Variants in GRIK2 observed in about 807,000 individuals in gnomAD.
GRIK2 encodes the protein glutamate ionotropic receptor kainate type subunit 2.
In GRIK2, 32 loss-of-function variants were observed where a neutral mutation model predicts 100.3. That is an observed-to-expected ratio of 0.32 (90% CI 0.24 to 0.43). The LOEUF is 0.43. Among genes scored for constraint, GRIK2 ranks in the 20% least tolerant of loss-of-function variants. The pLI, the probability that GRIK2 is intolerant of heterozygous loss-of-function variation, is 1.00. For synonymous variants in GRIK2, 417 were observed against 389.4 expected, an observed-to-expected ratio of 1.07 and a Z score of -0.83; for missense variants, 843 against 1,114.9, an observed-to-expected ratio of 0.76 and a Z score of 3.47.
intron 12 of GRIK2, among the ~76,000 whole-genome samples, chr6:101,913,671 G>T (rs2791777): frequency 6.6e-6 from 1 of 151,120 alleles, no homozygotes; most frequent in Non-Finnish European, 1.5e-5. Context: ...TCCAATAAGT[G>T]AATTATGCTT....
intron 2 of GRIK2, among the ~76,000 whole-genome samples, chr6:101,462,534 AT>A (rs1208324140): frequency 2.0e-5 from 3 of 152,092 alleles, no homozygotes; most frequent in East Asian, 3.8e-4. Flanking sequence ...ATAAAATGTT[AT>A]TTTTCTTAAA....
At chr6:101,941,174 A>C (rs1466370773) in intron 14 of GRIK2, among the ~76,000 whole-genome samples, 1 of 152,102 alleles carries the variant, frequency 6.6e-6, no homozygotes, top group African/African-American at 2.4e-5. Flanking sequence ...ATTGAAATGC[A>C]TACTATTATT....
At chr6:101,711,713 G>C (rs1328047810) in intron 7 of GRIK2, among the ~76,000 whole-genome samples, 1 of 151,766 alleles carries the variant, frequency 6.6e-6, no homozygotes, top group African/African-American at 2.4e-5. Flanking sequence ...AGTGTGTTAT[G>C]ACAGATAAAT....
intron 11 of GRIK2, among the ~76,000 whole-genome samples, chr6:101,876,484 A>AACACAC (rs34929195): frequency 7.4e-5 from 11 of 148,802 alleles, no homozygotes; most frequent in Non-Finnish European, 1.5e-4. Context: ...AACAAAAACA[A>AACACAC]ACACACACAC....
chr6:101,793,436 T>C (rs1023257838), intron 7 of GRIK2, among the ~76,000 whole-genome samples: 2 of 152,236 alleles, frequency 1.3e-5, no homozygotes, highest in African/African-American at 4.8e-5. Context: ...GACAGGACCC[T>C]CAGCTGCAGG....
chr6:101,542,542 T>G (rs1357706130), intron 2 of GRIK2, among the ~76,000 whole-genome samples: 1 of 152,128 alleles, frequency 6.6e-6, no homozygotes, highest in Non-Finnish European at 1.5e-5. Flanking sequence ...TTAAAACACA[T>G]TCTAAAAATT....
At chr6:101,568,808 T>A (rs1383989933) in intron 2 of GRIK2, among the ~76,000 whole-genome samples, 2 of 152,224 alleles carry the variant, frequency 1.3e-5, no homozygotes, top group African/African-American at 4.8e-5. Context: ...TTTGGTTTTT[T>A]AAAAATTCTG....
chr6:102,058,981 TTA>T (rs527457140), intron 16 of GRIK2, among the ~76,000 whole-genome samples: 209 of 151,394 alleles, frequency 1.4e-3, no homozygotes, highest in African/African-American at 4.4e-3. Flanking sequence ...GATGATAAAA[TTA>T]TAATATATTA....
intron 2 of GRIK2, among the ~76,000 whole-genome samples, chr6:101,541,232 C>A (rs1162941313): frequency 6.6e-6 from 1 of 151,928 alleles, no homozygotes; most frequent in Non-Finnish European, 1.5e-5. Context: ...GAGAGGAGAA[C>A]CAAGCACTAT....
chr6:101,904,864 A>G (rs1373018556), intron 12 of GRIK2, among the ~76,000 whole-genome samples: 1 of 151,496 alleles, frequency 6.6e-6, no homozygotes, highest in African/African-American at 2.4e-5. Context: ...CTCAAGGTGG[A>G]TTAATTATGT....
intron 7 of GRIK2, among the ~76,000 whole-genome samples, chr6:101,757,603 G>A (rs1051220860): frequency 1.3e-5 from 2 of 152,120 alleles, no homozygotes; most frequent in Non-Finnish European, 2.9e-5. Context: ...AAGGGGATGA[G>A]CGATTCGCCT....
intron 16 of GRIK2, among the ~76,000 whole-genome samples, chr6:102,061,546 G>T (rs980179108): frequency 1.3e-5 from 2 of 150,416 alleles, no homozygotes; most frequent in African/African-American, 4.9e-5. Context: ...ATGGGCTTTG[G>T]TCATAAGCAG....
chr6:101,576,774 C>T (rs964020936), intron 2 of GRIK2, among the ~76,000 whole-genome samples: 10 of 151,964 alleles, frequency 6.6e-5, no homozygotes, highest in African/African-American at 1.9e-4. Flanking sequence ...AAACATAAGG[C>T]ACCTGAACAT....
At chr6:101,640,889 A>G (rs1055902224) in intron 4 of GRIK2, among the ~76,000 whole-genome samples, 1 of 152,168 alleles carries the variant, frequency 6.6e-6, no homozygotes, top group East Asian at 1.9e-4. Flanking sequence ...TATCAATATG[A>G]TAAACAAAGG....
At chr6:102,008,558 T>C (rs2114301565) in intron 14 of GRIK2, among the ~76,000 whole-genome samples, 1 of 151,966 alleles carries the variant, frequency 6.6e-6, no homozygotes, top group East Asian at 1.9e-4. Flanking sequence ...AATAATAAAC[T>C]CTGGGAATTT....
rs374958354 is a variant in GRIK2, at chr6:101,970,407, G to A, written c.2085+41775G>A. On this transcript the variant is annotated intron_variant, in intron 14 of 16. Coordinates refer to ENST00000369134, the MANE Select transcript of GRIK2 (RefSeq NM_021956.5). ...GTAGCAGTATACAGCAGCTGTAGAGGTACTGCTCCTTTCAGACCAGGTCAA... is the reference window on the plus strand; with the variant it reads ...GTAGCAGTATACAGCAGCTGTAGAGATACTGCTCCTTTCAGACCAGGTCAA... Among the ~76,000 whole-genome samples, 5 of 151,988 alleles carry A rather than the reference G, an allele frequency of 3.3e-5. No individual in the cohort carries two copies. In the East Asian group the frequency reaches 7.8e-4, roughly 24 times the overall value.
At chr6:101,667,488 T>G (rs1770115553) in intron 4 of GRIK2, among the ~76,000 whole-genome samples, 1 of 152,096 alleles carries the variant, frequency 6.6e-6, no homozygotes, top group Non-Finnish European at 1.5e-5. Flanking sequence ...GATTTGGGTG[T>G]GTTTGAGAAG....
intron 2 of GRIK2, among the ~76,000 whole-genome samples, chr6:101,480,331 G>T (rs150476144): frequency 6.6e-6 from 1 of 152,232 alleles, no homozygotes; most frequent in Non-Finnish European, 1.5e-5. Context: ...GAAATTGGAA[G>T]TCAGTCAATC....
rs548266783 is a variant in GRIK2, at chr6:101,933,581, AATG to A, written c.2085+4955_2085+4957del. On this transcript the variant is annotated intron_variant, in intron 14 of 16. Coordinates refer to ENST00000369134, the MANE Select transcript of GRIK2 (RefSeq NM_021956.5). ...GATTCCTATTTTCCCAGCCTCCCCA[AATG>A]ATGATTTGATTATTATCTGCTATGT... Among the ~76,000 whole-genome samples the A allele has an allele frequency of 2.5e-3, 382 of 152,014 alleles. 4 individuals carry two copies. The highest frequency in any genetic ancestry group is 2.3e-3 in the Non-Finnish European group (159 of 67,868).
Sources: gnomAD v4.1 joint callset for allele counts (sites outside exome capture counted in the v4.1 genomes callset) on GRCh38, gnomAD v4.1.1 for gene constraint, MANE v1.5 for transcripts, NCBI Gene and HGNC (gene_info 2026-07-23, HGNC 2026-07-21) for gene names.